TMEM232: variants seen among roughly 807,000 people sequenced by gnomAD.
TMEM232 encodes the protein transmembrane protein 232.
Under a neutral mutation model 78.8 loss-of-function variants are expected in TMEM232, and 80 were observed. The ratio of observed to expected loss-of-function variants is 1.01; its 90% CI spans 0.85 to 1.22. The LOEUF (loss-of-function observed/expected upper bound fraction) is 1.22, where lower values mean the gene tolerates loss of function less well. TMEM232 is among the 50% of genes most tolerant of loss of function. TMEM232 has a pLI of 0.00. For synonymous variants in TMEM232, 297 were observed against 254.3 expected, an observed-to-expected ratio of 1.17 and a Z score of -1.60; for missense variants, 881 against 742.2, an observed-to-expected ratio of 1.19 and a Z score of -2.17.
At chr5:110,632,860 C>T (rs1294667315) in intron 5 of TMEM232, among the ~76,000 whole-genome samples, 1 of 152,134 alleles carries the variant, frequency 6.6e-6, no homozygotes, top group East Asian at 1.9e-4. Context: ...TTGAAATCTT[C>T]ACAAGTCTAC....
chr5:110,616,908 C>A (rs1782989480), intron 8 of TMEM232, among the ~76,000 whole-genome samples: 2 of 152,124 alleles, frequency 1.3e-5, no homozygotes, highest in Non-Finnish European at 2.9e-5. Flanking sequence ...ACCATATGAT[C>A]TAACAATCCC....
chr5:110,650,960 C>T (rs1788220744), intron 2 of TMEM232, among the ~76,000 whole-genome samples: 1 of 151,862 alleles, frequency 6.6e-6, no homozygotes, highest in Non-Finnish European at 1.5e-5. Context: ...CTGTTCTAAA[C>T]AATAAATGTA....
chr5:110,671,780 G>T (rs1345474529), intron 1 of TMEM232, among the ~76,000 whole-genome samples: 1 of 152,080 alleles, frequency 6.6e-6, no homozygotes, highest in Admixed American at 6.6e-5. Flanking sequence ...AGCATTAAGA[G>T]AAATACTTAA....
chr5:110,608,654 A>T lies in TMEM232; in HGVS notation c.903-2367T>A, dbSNP rs368258944. ...ACGGTAGAGAAATGCTTCACCAGCA[A>T]CACACTATTTTCAATTAATGCTGCT... On this transcript the variant is annotated intron_variant, in intron 8 of 13. Coordinates refer to ENST00000455884, the MANE Select transcript of TMEM232 (RefSeq NM_001039763.4). Among the ~76,000 whole-genome samples, 8 of 152,102 alleles carry T rather than the reference A, an allele frequency of 5.3e-5. No individual in the cohort carries two copies. The East Asian group carries it at 1.5e-3, about 29-fold the overall frequency.
intron 1 of TMEM232, among the ~76,000 whole-genome samples, chr5:110,719,809 CTG>C (rs1384977955): frequency 1.3e-5 from 2 of 152,112 alleles, no homozygotes; most frequent in Non-Finnish European, 2.9e-5. Flanking sequence ...TCTACTCTCT[CTG>C]TTAAACTGTG....
At chr5:110,399,514 C>T (rs558372523) in intron 2 of TMEM232, among the ~76,000 whole-genome samples, 2 of 151,984 alleles carry the variant, frequency 1.3e-5, no homozygotes, top group South Asian at 4.2e-4. Context: ...TTTTAAAAGG[C>T]CTTCCTCTCA....
intron 12 of TMEM232, among the ~76,000 whole-genome samples, chr5:110,478,611 C>T (rs1443588730): frequency 2.0e-5 from 3 of 151,666 alleles, no homozygotes; most frequent in Non-Finnish European, 2.9e-5. Flanking sequence ...GAGTGTTAAA[C>T]GTGAAGTGGA....
At position 110,528,817 on chromosome 5, in the gene TMEM232, T is replaced by C; in HGVS notation, c.1474A>G (p.Thr492Ala). The C allele has an allele frequency of 1.3e-6, 2 of 1,485,950 alleles. No individual in the cohort carries two copies. The highest frequency in any genetic ancestry group is 1.8e-6 in the Non-Finnish European group (2 of 1,119,674). 92.0% of individuals were successfully genotyped at this position (1,485,950 alleles called of 1,614,324 possible). A position where few individuals can be genotyped will look rare whatever the true frequency, so the allele number is the denominator to read the frequency against. ...GTACTATATCTAGTGAAAGGATCAG[T>C]TGGGTCATTTAACTCAGCCTGTTGA... The part of the protein sequence containing the change: ...NIAQAELNDP[T>A]DPFTRYSTNI... Residue 492 changes from threonine to alanine, a missense_variant, in exon 12 of 14, where the codon ACT becomes GCT. By Grantham distance (58) the Thr-to-Ala change is moderately conservative. Transcript: ENST00000455884.
intron 11 of TMEM232, among the ~76,000 whole-genome samples, chr5:110,544,440 T>TAAA (rs1773528936): frequency 1.8e-5 from 1 of 56,458 alleles, no homozygotes; most frequent in African/African-American, 1.1e-4. Context: ...TACACACATA[T>TAAA]CAAAAAAAAA....
intron 5 of TMEM232, among the ~76,000 whole-genome samples, chr5:110,632,566 A>G (rs1050588818): frequency 1.1e-4 from 17 of 152,290 alleles, no homozygotes; most frequent in South Asian, 6.2e-4. Context: ...ATACAAAAGA[A>G]CCAAACAAAA....
chr5:110,676,877 G>A (rs1792096976), intron 1 of TMEM232, among the ~76,000 whole-genome samples: 1 of 151,940 alleles, frequency 6.6e-6, no homozygotes, highest in Non-Finnish European at 1.5e-5. Flanking sequence ...TCCTGCCTCA[G>A]CTTCCCTAGT....
intron 2 of TMEM232, among the ~76,000 whole-genome samples, chr5:110,400,380 T>C (rs1050685709): frequency 4.6e-5 from 7 of 152,208 alleles, no homozygotes; most frequent in South Asian, 4.1e-4. Context: ...ATGAAGAAAA[T>C]GCCTGCCACA....
rs774941513 is a variant in TMEM232, at chr5:110,420,637, C to A, written c.1917G>T (p.Glu639Asp). ...HFQEVMKKREEKLHKQTKPYE... is the reference protein window; with the variant it reads ...HFQEVMKKREDKLHKQTKPYE... ...AGGGCTTGGTTTGCTTATGTAGTTTCTCTTCTCTTTTCTTCATAACTTCTT... is the reference window on the plus strand; with the variant it reads ...AGGGCTTGGTTTGCTTATGTAGTTTATCTTCTCTTTTCTTCATAACTTCTT... The change falls in exon 14 of 14, where the codon GAG becomes GAT. Residue 639 changes from glutamate to aspartate, a missense_variant. Glu to Asp is a conservative substitution (Grantham distance 45, BLOSUM62 2). Coordinates refer to ENST00000455884, the MANE Select transcript of TMEM232 (RefSeq NM_001039763.4). 19 of 1,522,748 alleles carry A rather than the reference C, an allele frequency of 1.2e-5. No individual in the cohort carries two copies. Among genetic ancestry groups the A allele is most frequent in the Non-Finnish European group, 1.6e-5 (18 of 1,142,900 alleles). The allele number at this position is 1,522,748 out of a possible 1,614,324, so 94.3% of individuals were successfully genotyped here.
intron 2 of TMEM232, among the ~76,000 whole-genome samples, chr5:110,733,197 G>A (rs1393979697): frequency 6.6e-6 from 1 of 152,110 alleles, no homozygotes; most frequent in African/African-American, 2.4e-5. Flanking sequence ...ACAGATGCTG[G>A]TGAGGTTTGC....
intron 1 of TMEM232, chr5:110,684,650 A>C (rs1169199161): frequency 6.6e-6 from 1 of 152,170 alleles, no homozygotes; most frequent in African/African-American, 2.4e-5. Flanking sequence ...GCAACAACAA[A>C]CAACAAAAAT....
chr5:110,650,831 T>C (rs916093743), intron 2 of TMEM232, among the ~76,000 whole-genome samples: 2 of 152,148 alleles, frequency 1.3e-5, no homozygotes, highest in Non-Finnish European at 2.9e-5. Flanking sequence ...AATAGTCATG[T>C]ATTAACATGG....
At chr5:110,500,282 C>CTAGCCTGGG (rs1766109866) in intron 12 of TMEM232, among the ~76,000 whole-genome samples, 4 of 108,196 alleles carry the variant, frequency 3.7e-5, no homozygotes, top group Non-Finnish European at 6.6e-5. Flanking sequence ...GAGCAAGACT[C>CTAGCCTGGG]TGTCTCAAAA....
At chr5:110,441,031 T>C (rs1389761110) in intron 12 of TMEM232, among the ~76,000 whole-genome samples, 2 of 152,132 alleles carry the variant, frequency 1.3e-5, no homozygotes, top group African/African-American at 2.4e-5. Context: ...GGAAGGAAGA[T>C]GTGGAGAAGA....
At chr5:110,647,938 T>C (rs1370154160) in intron 2 of TMEM232, among the ~76,000 whole-genome samples, 1 of 152,026 alleles carries the variant, frequency 6.6e-6, no homozygotes, top group Non-Finnish European at 1.5e-5. Flanking sequence ...ATCATTATTT[T>C]ATTACTATAA....
Sources: gnomAD v4.1 joint callset for allele counts (sites outside exome capture counted in the v4.1 genomes callset) on GRCh38, gnomAD v4.1.1 for gene constraint, MANE v1.5 for transcripts, NCBI Gene and HGNC (gene_info 2026-07-23, HGNC 2026-07-21) for gene names.